The following ZNF248 variants were observed in gnomAD, a reference collection of about 807,000 sequenced individuals.
ZNF248 encodes the protein zinc finger protein 248, also known as KRAB protein domain.
ZNF248 carries 20 observed loss-of-function variants against 44.3 expected under a neutral mutation model. The observed-to-expected ratio is 0.45, with a 90% CI of 0.32 to 0.66. The LOEUF is 0.66. ZNF248 is among the 30% of genes least tolerant of loss of function. ZNF248 has a pLI of 0.04. For synonymous variants in ZNF248, 224 were observed against 229.0 expected (o/e 0.98, Z 0.20); for missense variants, 654 against 677.0 (o/e 0.97, Z 0.38).
intron 3 of ZNF248, among the ~76,000 whole-genome samples, chr10:37,840,908 A>T (rs1274561039): frequency 6.6e-6 from 1 of 152,188 alleles, no homozygotes; most frequent in East Asian, 1.9e-4. Context: ...TCAAATGAAA[A>T]CACAATAGTG....
intron 6 of ZNF248, among the ~76,000 whole-genome samples, chr10:37,786,069 C>G (rs2047847938): frequency 6.6e-6 from 1 of 152,164 alleles, no homozygotes; most frequent in Admixed American, 6.5e-5. Flanking sequence ...GTAGCCATGA[C>G]AGCAGGAAAT....
intron 6 of ZNF248, among the ~76,000 whole-genome samples, chr10:37,817,265 T>C (rs1370685422): frequency 6.6e-6 from 1 of 152,136 alleles, no homozygotes; most frequent in Non-Finnish European, 1.5e-5. Flanking sequence ...CTGTTCCTAA[T>C]GACTTTTAGT....
In ZNF248 at chr10:37,829,011, T is replaced by C; in HGVS notation, c.*2604A>G. ...ACTTTATTTCTAACACTGAGCCTTC[T>C]ACATAGGAATTTACAGAAATGAATA... On this transcript the variant is annotated 3_prime_UTR_variant, in exon 6 of 6. Transcript: ENST00000395867. 1 of 985,488 alleles carries C rather than the reference T, an allele frequency of 1.0e-6. No individual in the cohort carries two copies. The highest frequency in any genetic ancestry group is 4.7e-5 in the South Asian group (1 of 21,292). The allele number at this position is 985,488 out of a possible 1,614,324, so 61.0% of individuals were successfully genotyped here.
At chr10:37,807,538 T>A (rs1339556819) in intron 6 of ZNF248, among the ~76,000 whole-genome samples, 1 of 152,204 alleles carries the variant, frequency 6.6e-6, no homozygotes, top group East Asian at 1.9e-4. Context: ...CTTAACAATA[T>A]TAAGTCTTCC....
At chr10:37,787,894 C>T (rs183773727) in intron 6 of ZNF248, among the ~76,000 whole-genome samples, 2 of 152,152 alleles carry the variant, frequency 1.3e-5, no homozygotes, top group Admixed American at 6.5e-5. Flanking sequence ...AACATTGAGA[C>T]AATGAAAAGA....
intron 6 of ZNF248, among the ~76,000 whole-genome samples, chr10:37,793,348 C>T (rs1282620995): frequency 6.6e-6 from 1 of 151,770 alleles, no homozygotes; most frequent in East Asian, 1.9e-4. Context: ...AAAAATTATT[C>T]AAAAATAAAA....
At position 37,837,630 on chromosome 10, in the gene ZNF248, G is replaced by A; in HGVS notation, c.225C>T (p.Ser75=). 1.2e-6 allele frequency: 2 copies of A among 1,613,988 alleles called. No individual in the cohort carries two copies. Among genetic ancestry groups the A allele is most frequent in the East Asian group, 2.2e-5 (1 of 44,860 alleles). The change falls in exon 5 of 6, where the codon AGC becomes AGT. Residue 75 remains serine (S), a synonymous_variant. Coordinates refer to ENST00000395867, the MANE Select transcript of ZNF248 (RefSeq NM_021045.3). ...TCACTAACTCACCTGGGTGGCACTG[G>A]CTTGGGAATCCTTTTTCTAATATCC... ...EPWILEKGFP[S]QCHPERKWKV...
At chr10:37,820,604 C>A in intron 6 of ZNF248, 1 of 1,583,416 alleles carries the variant, frequency 6.3e-7, no homozygotes, top group South Asian at 1.1e-5. Flanking sequence ...AATTTTACGT[C>A]CCCCAGCAGT....
chr10:37,761,368 T>A, the ZNF248 span, among the ~76,000 whole-genome samples: 1 of 152,202 alleles, frequency 6.6e-6, no homozygotes, highest in Non-Finnish European at 1.5e-5. Context: ...ATGAAGATAG[T>A]ATTTCAAATT....
Position 37,837,653 on chromosome 10 carries a change from T to G in ZNF248, c.202A>C (p.Ile68Leu). 1 of 1,614,100 alleles carries G rather than the reference T, an allele frequency of 6.2e-7. No homozygotes were observed. Among genetic ancestry groups the G allele is most frequent in the Non-Finnish European group, 8.5e-7 (1 of 1,180,014 alleles). ...TGGCTTGGGAATCCTTTTTCTAATA[T>G]CCAGGGCTCTTCTCCTTGCTCGATC... ...FKIEQGEEPW[I>L]LEKGFPSQCH... The change falls in exon 5 of 6, where the codon ATA becomes CTA. Residue 68 changes from isoleucine (I) to leucine (L), a missense_variant. Physicochemically the swap from Ile to Leu is conservative, Grantham distance 5 (BLOSUM62 2). Transcript: ENST00000395867.
At chr10:37,854,887 A>C (rs1242949369) in intron 3 of ZNF248, among the ~76,000 whole-genome samples, 1 of 152,216 alleles carries the variant, frequency 6.6e-6, no homozygotes, top group Non-Finnish European at 1.5e-5. Context: ...AAAAAGGAAT[A>C]ATGGAAAATA....
intron 3 of ZNF248, among the ~76,000 whole-genome samples, chr10:37,852,989 G>A (rs955542824): frequency 6.6e-6 from 1 of 151,956 alleles, no homozygotes; most frequent in Non-Finnish European, 1.5e-5. Flanking sequence ...AGCCTCCCGA[G>A]TAGCTGGGAC....
chr10:37,819,719 T>C (rs2053147682), intron 6 of ZNF248: 1 of 782,496 alleles, frequency 1.3e-6, no homozygotes. Context: ...TTCATGGTAT[T>C]CTGCTAATGT....
chr10:37,810,744 A>C (rs2051356599), intron 6 of ZNF248, among the ~76,000 whole-genome samples: 1 of 152,234 alleles, frequency 6.6e-6, no homozygotes, highest in Non-Finnish European at 1.5e-5. Flanking sequence ...ATTTATTAAA[A>C]CATACACAAA....
chr10:37,767,987 T>C, the ZNF248 span, among the ~76,000 whole-genome samples: 1 of 152,108 alleles, frequency 6.6e-6, no homozygotes, highest in Non-Finnish European at 1.5e-5. Context: ...TAGTCTCTGA[T>C]AAAACAGACT....
intron 6 of ZNF248, among the ~76,000 whole-genome samples, chr10:37,821,865 A>C (rs2053525237): frequency 6.6e-6 from 1 of 151,994 alleles, no homozygotes; most frequent in South Asian, 2.1e-4. Context: ...ATACCACTGA[A>C]CTCCCCTCAA....
At chr10:37,765,038 G>A in the ZNF248 span, among the ~76,000 whole-genome samples, 9 of 151,684 alleles carry the variant, frequency 5.9e-5, no homozygotes, top group African/African-American at 1.7e-4. Flanking sequence ...TTGGCTCACC[G>A]CAACCTCTGC....
At chr10:37,777,681 C>A (rs536423016) in intron 6 of ZNF248, among the ~76,000 whole-genome samples, 9 of 120,592 alleles carry the variant, frequency 7.5e-5, no homozygotes, top group Non-Finnish European at 1.3e-4. Flanking sequence ...GCTATCCCTC[C>A]CCCCTCCCCC....
At chr10:37,811,457 T>TA (rs1018148938) in intron 6 of ZNF248, among the ~76,000 whole-genome samples, 18 of 151,264 alleles carry the variant, frequency 1.2e-4, no homozygotes, top group Non-Finnish European at 2.5e-4. Flanking sequence ...AAATAAAAAA[T>TA]AAAAAAAACC....
Sources: gnomAD v4.1 joint callset for allele counts (sites outside exome capture counted in the v4.1 genomes callset) on GRCh38, gnomAD v4.1.1 for gene constraint, MANE v1.5 for transcripts, NCBI Gene and HGNC (gene_info 2026-07-23, HGNC 2026-07-21) for gene names.